The following PSMB7 variants were observed in gnomAD, a reference collection of about 807,000 sequenced individuals.
PSMB7 encodes the protein proteasome 20S subunit beta 7, also known as proteasome subunit beta type-7.
A neutral mutation model predicts 28.1 loss-of-function variants in PSMB7; 5 were observed. The ratio of observed to expected loss-of-function variants is 0.18; its 90% CI spans 0.09 to 0.37. The LOEUF (loss-of-function observed/expected upper bound fraction) is 0.37. Ranked by LOEUF, PSMB7 falls within the 10% of genes least tolerant of loss-of-function variation. The pLI, the probability that PSMB7 is intolerant of heterozygous loss-of-function variation, is 1.00. For missense variants in PSMB7, 275 were observed against 346.2 expected, an observed-to-expected ratio of 0.79 and a Z score of 1.63; for synonymous variants, 122 against 123.7, an observed-to-expected ratio of 0.99 and a Z score of 0.09.
chr9:124,410,692 A>G (rs1831019745), intron 4 of PSMB7, among the ~76,000 whole-genome samples: 1 of 152,354 alleles, frequency 6.6e-6, no homozygotes, highest in South Asian at 2.1e-4. Context: ...CTTCCTATCC[A>G]TATGACTCTA....
chr9:124,401,966 C>T (rs779656203), intron 5 of PSMB7, among the ~76,000 whole-genome samples: 3 of 149,348 alleles, frequency 2.0e-5, no homozygotes, highest in Non-Finnish European at 4.4e-5. Context: ...TTGCAGCGAG[C>T]AGAGATCATG....
chr9:124,378,828 C>T, intron 6 of PSMB7, among the ~76,000 whole-genome samples: 1 of 152,194 alleles, frequency 6.6e-6, no homozygotes, highest in Non-Finnish European at 1.5e-5. Context: ...ATCTGCCAAG[C>T]TAATGCCATA....
At chr9:124,413,795 G>T in intron 3 of PSMB7, 113 bp downstream of exon 3, 1 of 681,934 alleles carries the variant, frequency 1.5e-6, no homozygotes, top group Non-Finnish European at 2.5e-6. Context: ...CCATTTAAGG[G>T]AGACAGAAAA....
chr9:124,353,804 A>C lies in PSMB7; in HGVS notation c.723-95T>G. On this transcript the variant is annotated intron_variant, in intron 7 of 7. Coordinates refer to ENST00000259457, the MANE Select transcript of PSMB7 (RefSeq NM_002799.4). ...AAATAAATATTCAGGCAACGCAGTG[A>C]GCAGGCTGGACTGGAATCTTGGCTC... The C allele has an allele frequency of 3.3e-6, 3 of 909,862 alleles. No homozygotes were observed. The South Asian group carries it at 4.2e-5, about 13-fold the overall frequency. The allele number at this position is 909,862 out of a possible 1,614,324, so 56.4% of individuals were successfully genotyped here. A position where few individuals can be genotyped will look rare whatever the true frequency, so the allele number is the denominator to read the frequency against.
chr9:124,400,672 TGAGC>T (rs1398663054), intron 5 of PSMB7, among the ~76,000 whole-genome samples: 1 of 152,246 alleles, frequency 6.6e-6, no homozygotes, highest in Non-Finnish European at 1.5e-5. Flanking sequence ...AACTACATTG[TGAGC>T]CACCTGCTAT....
chr9:124,410,985 T>C (rs1831022448), intron 4 of PSMB7, among the ~76,000 whole-genome samples: 1 of 151,366 alleles, frequency 6.6e-6, no homozygotes, highest in South Asian at 2.1e-4. Context: ...TTTTTTTTTC[T>C]TTTTTTTTGA....
At chr9:124,371,456 C>G (rs1337120949) in intron 6 of PSMB7, among the ~76,000 whole-genome samples, 1 of 152,210 alleles carries the variant, frequency 6.6e-6, no homozygotes, top group African/African-American at 2.4e-5. Context: ...CTCCTCTCCC[C>G]CTGAAAGCCA....
chr9:124,355,458 C>A (rs1830394720), intron 7 of PSMB7, among the ~76,000 whole-genome samples: 1 of 152,174 alleles, frequency 6.6e-6, no homozygotes, highest in Non-Finnish European at 1.5e-5. Context: ...GAGTCCTCGC[C>A]CAGGACCCTG....
At chr9:124,392,519 G>T (rs1392327955) in intron 5 of PSMB7, among the ~76,000 whole-genome samples, 1 of 152,204 alleles carries the variant, frequency 6.6e-6, no homozygotes, top group Admixed American at 6.5e-5. Flanking sequence ...GGGACAGGAG[G>T]TGCCTTCCTC....
intron 5 of PSMB7, among the ~76,000 whole-genome samples, chr9:124,386,324 G>A (rs563418285): frequency 2.0e-5 from 3 of 152,144 alleles, no homozygotes; most frequent in Non-Finnish European, 4.4e-5. Flanking sequence ...TTGAAGATGT[G>A]GAAACAGGGT....
chr9:124,415,107 T>C, intron 1 of PSMB7, 172 bp from the exon 2 acceptor site: 1 of 631,358 alleles, frequency 1.6e-6, no homozygotes, highest in South Asian at 2.0e-5. Context: ...ACGAAGACAG[T>C]CTTACAAAGG....
At chr9:124,405,567 G>A (rs1251058373) in intron 4 of PSMB7, 135 bp from the exon 5 acceptor site, 2 of 604,082 alleles carry the variant, frequency 3.3e-6, no homozygotes, top group South Asian at 2.0e-5. Context: ...TTATTGTTTT[G>A]ATGGGAACAA....
At chr9:124,406,218 A>G (rs1830960821) in intron 4 of PSMB7, among the ~76,000 whole-genome samples, 1 of 151,970 alleles carries the variant, frequency 6.6e-6, no homozygotes, top group Non-Finnish European at 1.5e-5. Flanking sequence ...ACCTGGCCAC[A>G]AAGGCCAGGC....
chr9:124,384,607 T>C lies in PSMB7; in HGVS notation c.561A>G (p.Pro187=), dbSNP rs1388326119. 15 of 1,612,554 alleles carry C rather than the reference T, an allele frequency of 9.3e-6. No individual in the cohort carries two copies. The highest frequency in any genetic ancestry group is 1.2e-5 in the Non-Finnish European group (14 of 1,179,416). Reference sequence around the variant, plus strand: ...GCAGGGACTTACATACCTCCATGTCTGGCCTAAACTTATCTTCAAATACAG... The same window carrying C: ...GCAGGGACTTACATACCTCCATGTCCGGCCTAAACTTATCTTCAAATACAG... The part of the protein sequence containing the change: ...AMAVFEDKFR[P]DMEEEEAKNL... The change falls in exon 6 of 8, where the codon CCA becomes CCG. Residue 187 remains proline, a synonymous_variant. Transcript: ENST00000259457.
intron 6 of PSMB7, among the ~76,000 whole-genome samples, chr9:124,371,637 A>G (rs1830563608): frequency 6.6e-6 from 1 of 152,206 alleles, no homozygotes; most frequent in Non-Finnish European, 1.5e-5. Flanking sequence ...TAGATAAAGG[A>G]AGGATTTTTA....
chr9:124,366,553 A>G (rs563493215), intron 6 of PSMB7, among the ~76,000 whole-genome samples: 2 of 152,370 alleles, frequency 1.3e-5, no homozygotes, highest in Admixed American at 1.3e-4. Flanking sequence ...TAATTACCGA[A>G]ATTTTTCTGT....
rs778703846 is a variant in PSMB7, at chr9:124,353,717, G to A, written c.723-8C>T. 6.3e-7 allele frequency: 1 copy of A among 1,594,942 alleles called. No homozygotes were observed. The highest frequency in any genetic ancestry group is 8.6e-7 in the Non-Finnish European group (1 of 1,162,574). On this transcript the variant is annotated splice_polypyrimidine_tract_variant and splice_region_variant and intron_variant, in intron 7 of 7. Coordinates refer to ENST00000259457, the MANE Select transcript of PSMB7 (RefSeq NM_002799.4). ...CACCTGTACCGGCCAAGCCTAGTAA[G>A]AGAAAAACAAAAGCACAGAGTTAGG...
intron 6 of PSMB7, among the ~76,000 whole-genome samples, chr9:124,364,933 G>A (rs1311282023): frequency 1.3e-5 from 2 of 152,142 alleles, no homozygotes; most frequent in African/African-American, 4.8e-5. Flanking sequence ...GGGCACATGT[G>A]GGAAGGCTAT....
intron 6 of PSMB7, among the ~76,000 whole-genome samples, chr9:124,358,726 C>T (rs1239133057): frequency 1.3e-5 from 2 of 152,254 alleles, no homozygotes; most frequent in African/African-American, 4.8e-5. Context: ...ATACTTATTC[C>T]CCTGTTCCCG....
Sources: gnomAD v4.1 joint callset for allele counts (sites outside exome capture counted in the v4.1 genomes callset) on GRCh38, gnomAD v4.1.1 for gene constraint, MANE v1.5 for transcripts, NCBI Gene and HGNC (gene_info 2026-07-23, HGNC 2026-07-21) for gene names.